The following CFAP61 variants were observed in gnomAD, a reference collection of about 807,000 sequenced individuals.
The protein encoded by CFAP61 is cilia and flagella associated protein 61.
A neutral mutation model predicts 135.6 loss-of-function variants in CFAP61; 107 were observed. That is an observed-to-expected ratio of 0.79 (90% CI 0.67 to 0.93). The LOEUF (loss-of-function observed/expected upper bound fraction) is 0.93. CFAP61 is among the 40% of genes least tolerant of loss of function. CFAP61 has a pLI of 0.00. For missense variants in CFAP61, 1,507 were observed against 1,556.2 expected (o/e 0.97, Z 0.53); for synonymous variants, 575 against 578.5 (o/e 0.99, Z 0.09).
Position 20,277,269 on chromosome 20 carries a change from G to A in CFAP61, c.2607G>A (p.Pro869=). The change falls in exon 22 of 27, where the codon CCG becomes CCA. Residue 869 remains proline (P), a synonymous_variant. Coordinates refer to ENST00000245957, the MANE Select transcript of CFAP61 (RefSeq NM_015585.4). ...GCCGCATCCACCTCGTGCAGCCCCC[G>A]CCCGCCTCCACCATCACCTGCATCA... ...SGSRIHLVQP[P]PASTITCINN... 6.2e-7 allele frequency: 1 copy of A among 1,613,858 alleles called. No individual in the cohort carries two copies. Among genetic ancestry groups the A allele is most frequent in the South Asian group, 1.1e-5 (1 of 91,072 alleles).
intron 17 of CFAP61, among the ~76,000 whole-genome samples, chr20:20,203,731 A>C (rs1453653834): frequency 6.6e-6 from 1 of 152,210 alleles, no homozygotes; most frequent in African/African-American, 2.4e-5. Flanking sequence ...GTGGGTCTAC[A>C]TACAAACCTG....
intron 17 of CFAP61, among the ~76,000 whole-genome samples, chr20:20,205,974 T>C (rs2146905508): frequency 6.7e-6 from 1 of 150,178 alleles, no homozygotes; most frequent in South Asian, 2.1e-4. Flanking sequence ...ATCAGATGAG[T>C]AACTACAGGT....
intron 26 of CFAP61, among the ~76,000 whole-genome samples, chr20:20,353,236 A>G (rs966690784): frequency 6.6e-6 from 1 of 152,188 alleles, no homozygotes; most frequent in Non-Finnish European, 1.5e-5. Flanking sequence ...CACCAGGTAC[A>G]CTGGAGTTCA....
chr20:20,288,900 CG>C lies in CFAP61; in HGVS notation c.3090del (p.Leu1031SerfsTer44), dbSNP rs778613120. 1 of 1,612,098 alleles carries C rather than the reference CG, an allele frequency of 6.2e-7. No individual in the cohort carries two copies. Among genetic ancestry groups the C allele is most frequent in the East Asian group, 2.2e-5 (1 of 44,792 alleles). Reference protein sequence around the residue: ...PVTEPPANLDRLIPMYKGAKI... With the variant: ...PVTEPPANLDXLIPMYKGAKI... ...GACCGAGCCACCAGCTAATCTTGAC[CG>C]GCTCATCCCCATGTACAAGGGAGCC... On this transcript the variant is annotated frameshift_variant, in exon 23 of 27. Coordinates refer to ENST00000245957, the MANE Select transcript of CFAP61 (RefSeq NM_015585.4). LOFTEE classifies it high-confidence loss of function.
chr20:20,229,406 T>A (rs1057074303), intron 18 of CFAP61, among the ~76,000 whole-genome samples: 1 of 152,136 alleles, frequency 6.6e-6, no homozygotes, highest in Non-Finnish European at 1.5e-5. Context: ...GAATTAAGAG[T>A]CCAGTTTTTC....
chr20:20,260,138 C>T (rs1202259414), intron 20 of CFAP61, among the ~76,000 whole-genome samples: 1 of 152,174 alleles, frequency 6.6e-6, no homozygotes, highest in East Asian at 1.9e-4. Context: ...TAAATGTCTG[C>T]CTACAAACTC....
chr20:20,248,721 C>T (rs1006140765), intron 19 of CFAP61, among the ~76,000 whole-genome samples: 8 of 152,142 alleles, frequency 5.3e-5, no homozygotes, highest in African/African-American at 1.4e-4. Flanking sequence ...CATGATTCCA[C>T]GAGGTGCAGG....
intron 7 of CFAP61, among the ~76,000 whole-genome samples, chr20:20,092,739 A>AT (rs1361757443): frequency 6.6e-6 from 1 of 152,232 alleles, no homozygotes; most frequent in Non-Finnish European, 1.5e-5. Context: ...ATGAAAAGAC[A>AT]TTCAACATCA....
intron 8 of CFAP61, among the ~76,000 whole-genome samples, chr20:20,141,831 C>T (rs2051424137): frequency 6.6e-6 from 1 of 152,140 alleles, no homozygotes; most frequent in Admixed American, 6.5e-5. Flanking sequence ...TGCTTGAAAA[C>T]AAGAAGGCAG....
intron 24 of CFAP61, among the ~76,000 whole-genome samples, chr20:20,293,169 TC>T (rs1220708607): frequency 2.6e-5 from 4 of 152,230 alleles, no homozygotes; most frequent in Non-Finnish European, 4.4e-5. Flanking sequence ...AGAACCAGAT[TC>T]TTCAAGGACA....
chr20:20,341,371 C>G (rs545357132), intron 25 of CFAP61, among the ~76,000 whole-genome samples: 18 of 152,140 alleles, frequency 1.2e-4, no homozygotes, highest in African/African-American at 3.9e-4. Context: ...TGCAACCGTG[C>G]GAACAGCATG....
chr20:20,327,467 TA>T (rs1372223873), intron 25 of CFAP61, among the ~76,000 whole-genome samples: 1 of 152,080 alleles, frequency 6.6e-6, no homozygotes, highest in African/African-American at 2.4e-5. Flanking sequence ...TCAGAAAAAT[TA>T]AACTGAAATG....
intron 7 of CFAP61, 74 bp downstream of exon 7, chr20:20,091,050 G>A (rs2047163563): frequency 7.1e-6 from 11 of 1,540,400 alleles, no homozygotes; most frequent in Non-Finnish European, 9.8e-6. Context: ...CTCTTGCGTT[G>A]CTGGGCACCC....
At chr20:20,360,055 C>T (rs1292564078) in intron 26 of CFAP61, among the ~76,000 whole-genome samples, 155 bp from the exon 27 acceptor site, 1 of 152,186 alleles carries the variant, frequency 6.6e-6, no homozygotes, top group East Asian at 1.9e-4. Context: ...GTTGTGTATA[C>T]TTTGCCACAA....
intron 13 of CFAP61, among the ~76,000 whole-genome samples, chr20:20,170,864 C>A (rs1397503046): frequency 6.6e-6 from 1 of 152,126 alleles, no homozygotes; most frequent in Non-Finnish European, 1.5e-5. Context: ...AATAATAGTA[C>A]AAGTACTAAT....
At chr20:20,206,429 C>T (rs1018944919) in intron 17 of CFAP61, among the ~76,000 whole-genome samples, 4 of 152,166 alleles carry the variant, frequency 2.6e-5, no homozygotes, top group Non-Finnish European at 5.9e-5. Flanking sequence ...TCCTCTCTTT[C>T]CCAGCCCTCT....
chr20:20,246,819 G>T (rs999505574), intron 19 of CFAP61, among the ~76,000 whole-genome samples: 4 of 152,180 alleles, frequency 2.6e-5, no homozygotes, highest in African/African-American at 9.7e-5. Flanking sequence ...CAATAAGGAG[G>T]AAGGAAATTG....
chr20:20,075,412 GA>G (rs1319630825), intron 5 of CFAP61, 76 bp from the exon 6 acceptor site: 9 of 1,540,556 alleles, frequency 5.8e-6, no homozygotes, highest in Non-Finnish European at 8.1e-6. Context: ...ATTTAGAATG[GA>G]AACTACATTT....
At position 20,166,511 on chromosome 20, in the gene CFAP61, T is replaced by G. The variant is rs2053845771; in HGVS notation, c.1245+75T>G. On this transcript the variant is annotated intron_variant, in intron 12 of 26. Coordinates refer to ENST00000245957, the MANE Select transcript of CFAP61 (RefSeq NM_015585.4). Reference sequence around the variant, plus strand: ...TATAGAAAAGTAAAATGCCATAAATTTATTATGCTGTGAATGTTGAGGTTT... The same window carrying G: ...TATAGAAAAGTAAAATGCCATAAATGTATTATGCTGTGAATGTTGAGGTTT... 42 of 1,164,388 alleles carry G rather than the reference T, an allele frequency of 3.6e-5. No individual in the cohort carries two copies. In the South Asian group the frequency reaches 5.3e-4, roughly 15 times the overall value. 72.1% of individuals were successfully genotyped at this position (1,164,388 alleles called of 1,614,324 possible).
Sources: gnomAD v4.1 joint callset for allele counts (sites outside exome capture counted in the v4.1 genomes callset) on GRCh38, gnomAD v4.1.1 for gene constraint, MANE v1.5 for transcripts, NCBI Gene and HGNC (gene_info 2026-07-23, HGNC 2026-07-21) for gene names.